TAF6L: variants seen among roughly 807,000 people sequenced by gnomAD.
The protein encoded by TAF6L is TAF6-like RNA polymerase II p300/CBP-associated factor-associated factor 65 kDa subunit 6L.
In TAF6L, 34 loss-of-function variants were observed where a neutral mutation model predicts 57.3. The ratio of observed to expected loss-of-function variants is 0.59; its 90% CI spans 0.45 to 0.79. The LOEUF (loss-of-function observed/expected upper bound fraction) is 0.79. Ranked by LOEUF, TAF6L falls within the 30% of genes least tolerant of loss-of-function variation. The pLI is 0.00. For missense variants in TAF6L, 782 were observed against 853.2 expected (o/e 0.92, Z 1.04); for synonymous variants, 417 against 376.3 (o/e 1.11, Z -1.25).
intron 9 of TAF6L, among the ~76,000 whole-genome samples, chr11:62,785,134 C>T (rs1051536831): frequency 1.3e-5 from 2 of 149,170 alleles, no homozygotes; most frequent in East Asian, 2.0e-4. Flanking sequence ...CACTGCACCT[C>T]GCCTATCTTT....
At chr11:62,777,227 T>C (rs1345737314) in intron 3 of TAF6L, among the ~76,000 whole-genome samples, 2 of 151,962 alleles carry the variant, frequency 1.3e-5, no homozygotes, top group East Asian at 3.9e-4. Flanking sequence ...CCTGGGAGGC[T>C]GAGGCAGGAG....
At chr11:62,774,517 A>C (rs3017668) in intron 1 of TAF6L, 1 of 451,726 alleles carries the variant, frequency 2.2e-6, no homozygotes, top group Non-Finnish European at 4.4e-6. Flanking sequence ...AGTGGGGGCA[A>C]TGCCTGGGTG....
At chr11:62,785,092 C>A (rs1290387840) in intron 9 of TAF6L, among the ~76,000 whole-genome samples, 1 of 152,010 alleles carries the variant, frequency 6.6e-6, no homozygotes, top group African/African-American at 2.4e-5. Context: ...ATCCTTTGGC[C>A]TTCCCAAAGT....
At chr11:62,772,700 C>T (rs1416778080) in intron 1 of TAF6L, among the ~76,000 whole-genome samples, 3 of 143,910 alleles carry the variant, frequency 2.1e-5, no homozygotes, top group African/African-American at 5.2e-5. Context: ...TGTGGCGGCA[C>T]AGGCCTGTAA....
At chr11:62,783,252 G>A (rs571403701) in intron 9 of TAF6L, among the ~76,000 whole-genome samples, 10 of 151,748 alleles carry the variant, frequency 6.6e-5, no homozygotes, top group African/African-American at 2.4e-4. Flanking sequence ...GGAGGCTGAG[G>A]TGGGCGGATC....
chr11:62,774,901 A>AT (rs1326972411), intron 1 of TAF6L, among the ~76,000 whole-genome samples: 1 of 150,376 alleles, frequency 6.6e-6, no homozygotes, highest in East Asian at 2.0e-4. Context: ...CAAAAAAAAA[A>AT]AAAAAAAAAT....
Position 62,778,347 on chromosome 11 carries a change from T to C in TAF6L, c.436+12T>C, listed in dbSNP as rs1404390865. 2 of 1,614,090 alleles carry C rather than the reference T, an allele frequency of 1.2e-6. No individual in the cohort carries two copies. Among genetic ancestry groups the C allele is most frequent in the Non-Finnish European group, 1.7e-6 (2 of 1,179,992 alleles). Reference sequence around the variant, plus strand: ...ACCTCAAGGATCGGGTAAGGGGTGATGTAGGAAACAGGCTCTTTGGATGAA... The same window carrying C: ...ACCTCAAGGATCGGGTAAGGGGTGACGTAGGAAACAGGCTCTTTGGATGAA... On this transcript the variant is annotated intron_variant, in intron 5 of 10. Coordinates refer to ENST00000294168, the MANE Select transcript of TAF6L (RefSeq NM_006473.4).
Position 62,782,171 on chromosome 11 carries a change from G to C in TAF6L, c.665G>C (p.Ser222Thr), listed in dbSNP as rs1393854614. The C allele has an allele frequency of 5.0e-6, 8 of 1,613,892 alleles. No homozygotes were observed. The highest frequency in any genetic ancestry group is 1.6e-4 in the Middle Eastern group (1 of 6,084). Residue 222 changes from serine to threonine, a missense_variant, in exon 8 of 11, where the codon AGC (serine) becomes ACC (threonine). Around this residue, in one of 3 missense-constraint regions of TAF6L, gnomAD observed 79 missense variants for 156.0 expected, o/e 0.51. Coordinates refer to ENST00000294168, the MANE Select transcript of TAF6L (RefSeq NM_006473.4). ...QLHRLLQVAR[S>T]LFRNPHLCLG... ...CACCGGCTGCTGCAGGTGGCACGGA[G>C]CCTATTTCGTAATCCGCACCTGTGC...
chr11:62,780,507 A>G (rs1181152528), intron 6 of TAF6L, among the ~76,000 whole-genome samples: 2 of 151,144 alleles, frequency 1.3e-5, no homozygotes, highest in African/African-American at 4.9e-5. Context: ...ACAAAACTTC[A>G]TCTCAAAAAA....
chr11:62,787,332 G>A lies in TAF6L; in HGVS notation c.*36G>A, dbSNP rs148075834. Reference sequence around the variant, plus strand: ...CCTTCGTTCCTTGTAAATAAATCCCGCCCCCGGAAATGACGTCTCCACCTT... The same window carrying A: ...CCTTCGTTCCTTGTAAATAAATCCCACCCCCGGAAATGACGTCTCCACCTT... On this transcript the variant is annotated 3_prime_UTR_variant, in exon 11 of 11. Transcript: ENST00000294168. 1.3e-3 allele frequency: 2,001 copies of A among 1,522,532 alleles called. 19 individuals are homozygous for A. In the African/African-American group the frequency reaches 0.023, roughly 18 times the overall value. The allele number at this position is 1,522,532 out of a possible 1,614,324, so 94.3% of individuals were successfully genotyped here. A position where few individuals can be genotyped will look rare whatever the true frequency, so the allele number is the denominator to read the frequency against.
rs759637135 is a variant in TAF6L at position 62,787,289 on chromosome 11, C to T, written c.1862C>T (p.Pro621Leu). ...WALSDYSLYL[P>L]L Reference sequence around the variant, plus strand: ...CTCTCGGACTACTCGCTGTACTTGCCGCTCTGAGTCAGTGGCCCCTTCGTT... The same window carrying T: ...CTCTCGGACTACTCGCTGTACTTGCTGCTCTGAGTCAGTGGCCCCTTCGTT... The change falls in exon 11 of 11, where the codon CCG becomes CTG. Residue 621 changes from proline (P) to leucine (L), a missense_variant. Pro to Leu is a moderately conservative substitution (Grantham distance 98, BLOSUM62 -3). Around this residue, in one of 3 missense-constraint regions of TAF6L, gnomAD observed 483 missense variants for 445.1 expected, o/e 1.09. Transcript: ENST00000294168. The T allele has an allele frequency of 8.4e-6, 13 of 1,539,682 alleles. No homozygotes were observed. The highest frequency in any genetic ancestry group is 1.7e-4 in the Middle Eastern group (1 of 5,828).
chr11:62,778,550 G>A, intron 5 of TAF6L: 2 of 641,388 alleles, frequency 3.1e-6, no homozygotes, highest in South Asian at 1.9e-5. Context: ...CATGTTGGAT[G>A]CTAAGACAGA....
Position 62,787,177 on chromosome 11 carries a change from G to A in TAF6L, c.1750G>A (p.Ala584Thr). 1 of 1,585,780 alleles carries A rather than the reference G, an allele frequency of 6.3e-7. No homozygotes were observed. Among genetic ancestry groups the A allele is most frequent in the Non-Finnish European group, 8.5e-7 (1 of 1,175,004 alleles). ...GCGCCTTTTCCAGACTGCCTTCCCC[G>A]CGCCGTACGGGCCTAGCCCGGCCTC... ...RGRLFQTAFP[A>T]PYGPSPASRY... Residue 584 changes from alanine to threonine, a missense_variant, in exon 11 of 11, where the codon GCG (alanine) becomes ACG (threonine). Transcript: ENST00000294168.
chr11:62,779,228 A>G (rs975202136), intron 6 of TAF6L, among the ~76,000 whole-genome samples: 2 of 150,328 alleles, frequency 1.3e-5, no homozygotes, highest in Admixed American at 1.3e-4. Flanking sequence ...GGAGTCTTGC[A>G]TTGTCACCCA....
chr11:62,784,513 A>G (rs1436222622), intron 9 of TAF6L, among the ~76,000 whole-genome samples: 5 of 144,232 alleles, frequency 3.5e-5, no homozygotes, highest in East Asian at 2.1e-4. Context: ...TCACCGTGTT[A>G]GCCAGGATGG....
intron 6 of TAF6L, chr11:62,781,662 C>CAAAAAA (rs58932683): frequency 5.5e-4 from 173 of 314,814 alleles, no homozygotes; most frequent in Middle Eastern, 2.1e-3. Context: ...GACTCGGTCT[C>CAAAAAA]AAAAAAAAAA....
intron 1 of TAF6L, 32 bp downstream of exon 1, chr11:62,771,522 C>A (rs1241037252): frequency 6.3e-6 from 1 of 159,072 alleles, no homozygotes; most frequent in African/African-American, 2.4e-5. Flanking sequence ...CCAAGGACTC[C>A]CCATTCCCGA....
At chr11:62,781,555 TC>T (rs1184390833) in intron 6 of TAF6L, among the ~76,000 whole-genome samples, 1 of 150,794 alleles carries the variant, frequency 6.6e-6, no homozygotes, top group Non-Finnish European at 1.5e-5. Flanking sequence ...GCGCCTGTAG[TC>T]CCAGCTACTC....
At chr11:62,777,908 C>T in intron 3 of TAF6L, 70 bp from the exon 4 acceptor site, 1 of 1,563,418 alleles carries the variant, frequency 6.4e-7, no homozygotes. Context: ...GTCAGTGGAG[C>T]CTCATCCTGG....
Sources: allele counts gnomAD v4.1 joint callset (sites outside exome capture counted in the v4.1 genomes callset), GRCh38; gene constraint gnomAD v4.1.1; regional missense constraint gnomAD v4.1.1; transcripts MANE v1.5; gene names NCBI Gene and HGNC (gene_info 2026-07-23, HGNC 2026-07-21).